SORCS2: variants seen among roughly 807,000 people sequenced by gnomAD.
SORCS2 encodes the protein sortilin related VPS10 domain containing receptor 2, also known as VPS10 domain-containing receptor SorCS2.
SORCS2 carries 100 observed loss-of-function variants against 141.6 expected under a neutral mutation model. The observed-to-expected ratio is 0.71, with a 90% CI of 0.60 to 0.83. The LOEUF is 0.83. Ranked by LOEUF, SORCS2 falls within the 40% of genes least tolerant of loss-of-function variation. SORCS2 has a pLI of 0.00. For synonymous variants in SORCS2, 789 were observed against 676.9 expected (o/e 1.17, Z -2.57); for missense variants, 1,646 against 1,560.2 (o/e 1.05, Z -0.93).
chr4:7,516,725 C>T (rs1029746959), intron 2 of SORCS2, among the ~76,000 whole-genome samples: 3 of 152,152 alleles, frequency 2.0e-5, no homozygotes, highest in Non-Finnish European at 2.9e-5. Flanking sequence ...CCACACTCAT[C>T]CCCTGCCTGC....
intron 3 of SORCS2, among the ~76,000 whole-genome samples, chr4:7,596,412 G>C (rs1176142373): frequency 2.0e-5 from 3 of 152,164 alleles, no homozygotes; most frequent in African/African-American, 7.2e-5. Context: ...CTGCATGTCA[G>C]ATTCTGTCTG....
chr4:7,517,285 C>T (rs542342543), intron 2 of SORCS2, among the ~76,000 whole-genome samples: 4 of 152,292 alleles, frequency 2.6e-5, no homozygotes, highest in South Asian at 4.2e-4. Flanking sequence ...TTTCCACAAT[C>T]GCACGACTCG....
chr4:7,420,908 C>T (rs1725998090), intron 2 of SORCS2, among the ~76,000 whole-genome samples: 1 of 152,200 alleles, frequency 6.6e-6, no homozygotes, highest in Non-Finnish European at 1.5e-5. Flanking sequence ...CTTGCCTCCT[C>T]TGCCCGCCTG....
chr4:7,512,522 G>C (rs542734023), intron 2 of SORCS2, among the ~76,000 whole-genome samples: 3 of 152,200 alleles, frequency 2.0e-5, no homozygotes, highest in Admixed American at 6.5e-5. Context: ...TAGTGCCACG[G>C]GTGCCACTCA....
At chr4:7,289,237 G>T (rs918913963) in intron 1 of SORCS2, among the ~76,000 whole-genome samples, 2 of 152,010 alleles carry the variant, frequency 1.3e-5, no homozygotes, top group African/African-American at 2.4e-5. Context: ...GCAGATGGAG[G>T]TCTCTCTACC....
intron 4 of SORCS2, 45 bp from the exon 5 acceptor site, chr4:7,654,089 C>T (rs983824437): frequency 7.2e-6 from 11 of 1,517,768 alleles, no homozygotes; most frequent in African/African-American, 1.4e-5. Context: ...GCAGCTTATT[C>T]CTGACGTCCT....
chr4:7,657,834 C>CTGAG (rs562836550), intron 5 of SORCS2, among the ~76,000 whole-genome samples: 1 of 135,548 alleles, frequency 7.4e-6, no homozygotes, highest in Non-Finnish European at 1.6e-5. Flanking sequence ...GAGTCTGTGA[C>CTGAG]TGAGTGAGTG....
chr4:7,448,690 C>T (rs1458188964), intron 2 of SORCS2, among the ~76,000 whole-genome samples: 1 of 142,048 alleles, frequency 7.0e-6, no homozygotes, highest in Non-Finnish European at 1.5e-5. Flanking sequence ...CCCTTCCTTC[C>T]TCTCTCTGCC....
chr4:7,597,717 G>A (rs1041159104), intron 3 of SORCS2, among the ~76,000 whole-genome samples: 1 of 149,972 alleles, frequency 6.7e-6, no homozygotes, highest in Non-Finnish European at 1.5e-5. Flanking sequence ...AGGGGGGAGA[G>A]GCTATTGCAA....
chr4:7,439,358 C>T (rs186075355), intron 2 of SORCS2, among the ~76,000 whole-genome samples: 67 of 152,278 alleles, frequency 4.4e-4, no homozygotes, highest in African/African-American at 1.6e-3. Context: ...CCTTACTGAA[C>T]CCTAGAATAT....
In SORCS2 at chr4:7,404,432, T is replaced by A. The variant is rs1724835870; in HGVS notation, c.548+8077T>A. 2.0e-5 allele frequency among the ~76,000 whole-genome samples: 3 copies of A among 152,160 alleles called. No individual in the cohort carries two copies. The South Asian group carries it at 6.2e-4, about 32-fold the overall frequency. Reference sequence around the variant, plus strand: ...AGGTATTTGAGCAATCTCTGAACTGTTTTCCGTAGAGTCTGTACTAACTTA... The same window carrying A: ...AGGTATTTGAGCAATCTCTGAACTGATTTCCGTAGAGTCTGTACTAACTTA... On this transcript the variant is annotated intron_variant, in intron 2 of 26. Transcript: ENST00000507866.
intron 1 of SORCS2, among the ~76,000 whole-genome samples, chr4:7,353,884 A>G (rs750607486): frequency 3.3e-5 from 5 of 152,168 alleles, no homozygotes; most frequent in Non-Finnish European, 7.4e-5. Flanking sequence ...CTCCTTGGGA[A>G]AGCATAATGG....
chr4:7,631,308 C>G (rs1200603339), intron 3 of SORCS2, among the ~76,000 whole-genome samples: 1 of 150,752 alleles, frequency 6.6e-6, no homozygotes, highest in Non-Finnish European at 1.5e-5. Context: ...GGATGCAGGT[C>G]AGGGAGGCAG....
chr4:7,358,019 C>T (rs1343794236), intron 1 of SORCS2, among the ~76,000 whole-genome samples: 1 of 152,216 alleles, frequency 6.6e-6, no homozygotes, highest in Non-Finnish European at 1.5e-5. Flanking sequence ...TTGTGTACCC[C>T]CCATTCCCAA....
rs1577844953 is a variant in SORCS2, at chr4:7,616,408, C to T, written c.649-21920C>T. ...TCCACTCATCCATAATCCATCTATC[C>T]ATCCATCCATCCACTTATCCTCCAT... On this transcript the variant is annotated intron_variant, in intron 3 of 26. Transcript: ENST00000507866. 6.6e-5 allele frequency among the ~76,000 whole-genome samples: 10 copies of T among 152,274 alleles called. No individual in the cohort carries two copies. The South Asian group carries it at 2.1e-3, about 32-fold the overall frequency.
At chr4:7,728,814 C>T (rs1727402969) in intron 22 of SORCS2, among the ~76,000 whole-genome samples, 1 of 152,248 alleles carries the variant, frequency 6.6e-6, no homozygotes, top group African/African-American at 2.4e-5. Flanking sequence ...CTGAACTTCT[C>T]TTCTGGGCTG....
chr4:7,592,182 C>T (rs1386736219), intron 3 of SORCS2, among the ~76,000 whole-genome samples: 1 of 152,130 alleles, frequency 6.6e-6, no homozygotes, highest in East Asian at 1.9e-4. Flanking sequence ...TTATGGCGGC[C>T]TTGCCTGGTC....
intron 3 of SORCS2, among the ~76,000 whole-genome samples, chr4:7,540,569 G>T (rs1415841688): frequency 6.6e-6 from 1 of 152,190 alleles, no homozygotes; most frequent in East Asian, 1.9e-4. Flanking sequence ...GAGCCAGGCT[G>T]CATGGTCCCA....
At chr4:7,452,914 G>A (rs1728569413) in intron 2 of SORCS2, among the ~76,000 whole-genome samples, 1 of 147,010 alleles carries the variant, frequency 6.8e-6, no homozygotes, top group African/African-American at 2.5e-5. Flanking sequence ...GTCAGGTGCT[G>A]TGTTGAGGTC....
Sources: gnomAD v4.1 joint callset for allele counts (sites outside exome capture counted in the v4.1 genomes callset) on GRCh38, gnomAD v4.1.1 for gene constraint, MANE v1.5 for transcripts, NCBI Gene and HGNC (gene_info 2026-07-23, HGNC 2026-07-21) for gene names.